KMT2C: variants seen among roughly 807,000 people sequenced by gnomAD.
The protein encoded by KMT2C is histone-lysine N-methyltransferase 2C.
Under a neutral mutation model 507.9 loss-of-function variants are expected in KMT2C, and 88 were observed. The ratio of observed to expected loss-of-function variants is 0.17; its 90% confidence interval spans 0.15 to 0.21. KMT2C has a LOEUF of 0.21. Ranked by LOEUF, KMT2C falls within the 10% of genes least tolerant of loss-of-function variation. The probability of loss-of-function intolerance (pLI) is 1.00; values close to 1 mark genes in which losing one functional copy is unlikely to be tolerated. For missense variants in KMT2C, 4,954 were observed against 5,957.8 expected, an observed-to-expected ratio of 0.83 and a Z score of 5.55; for synonymous variants, 2,049 against 2,080.8, an observed-to-expected ratio of 0.98 and a Z score of 0.42.
rs867450804 is a variant in KMT2C, at chr7:152,247,637, T to C, written c.2532+265A>G. ...AACTAAAAGAATTTTTAAAGTTCTT[T>C]CTATTAGAAACTATTATCAATAGGT... is the stretch of plus-strand genomic sequence containing the variant. On this transcript the variant is annotated intron_variant, in intron 14 of 58. Coordinates refer to ENST00000262189, the MANE Select transcript of KMT2C (RefSeq NM_170606.3). Among the ~76,000 whole-genome samples the C allele has an allele frequency of 6.6e-5, 10 of 152,424 alleles. No homozygotes were observed. In the South Asian group the frequency reaches 2.1e-3, roughly 32 times the overall value.
intron 6 of KMT2C, among the ~76,000 whole-genome samples, chr7:152,300,362 G>C (rs1479808029): frequency 6.6e-6 from 1 of 152,140 alleles, no homozygotes; most frequent in Admixed American, 6.5e-5. Context: ...GAAATAATGT[G>C]GCTTATCCTG....
At chr7:152,396,610 C>A (rs2097539570) in intron 1 of KMT2C, among the ~76,000 whole-genome samples, 1 of 152,080 alleles carries the variant, frequency 6.6e-6, no homozygotes, top group Admixed American at 6.5e-5. Flanking sequence ...TTTAGGGATA[C>A]CAAAAAGAAA....
intron 1 of KMT2C, among the ~76,000 whole-genome samples, chr7:152,399,422 A>G (rs928322292): frequency 3.3e-5 from 5 of 152,210 alleles, no homozygotes; most frequent in African/African-American, 4.8e-5. Flanking sequence ...GATCTCTTCT[A>G]AAGTAAAGAA....
Position 152,144,647 on chromosome 7 carries a change from C to T in KMT2C, c.14343+66G>A, listed in dbSNP as rs1336324840. 5 of 1,463,810 alleles carry T rather than the reference C, an allele frequency of 3.4e-6. No individual in the cohort carries two copies. The highest frequency in any genetic ancestry group is 4.7e-6 in the Non-Finnish European group (5 of 1,062,766). 90.7% of individuals were successfully genotyped at this position (1,463,810 alleles called of 1,614,324 possible). On this transcript the variant is annotated intron_variant, in intron 55 of 58. Transcript: ENST00000262189. The surrounding 1 kb of genome is among the most constrained non-coding windows in gnomAD (Gnocchi z 4.4). ...GAAATCATTTTCACATACTGGACAT[C>T]AATAGCTTCAGATTGCTAGACTCCA...
chr7:152,304,997 A>C (rs1376241157), intron 6 of KMT2C, among the ~76,000 whole-genome samples: 2 of 152,190 alleles, frequency 1.3e-5, no homozygotes, highest in Non-Finnish European at 1.5e-5. Context: ...CTATTTAGAG[A>C]TTAAGTATAT....
At position 152,138,758 on chromosome 7, in the gene KMT2C, C is replaced by G. The variant is rs2090174552; in HGVS notation, c.14643+38G>C. 7.8e-7 allele frequency: 1 copy of G among 1,274,602 alleles called. No individual in the cohort carries two copies. Among genetic ancestry groups the G allele is most frequent in the South Asian group, 1.4e-5 (1 of 73,814 alleles). The allele number at this position is 1,274,602 out of a possible 1,614,324, so 79.0% of individuals were successfully genotyped here. ...GAGGAGGGAACTATTCGCCCAGGATCTGAACAACATGGCAGATGCAATCTC... is the reference window on the plus strand; with the variant it reads ...GAGGAGGGAACTATTCGCCCAGGATGTGAACAACATGGCAGATGCAATCTC... On this transcript the variant is annotated intron_variant, in intron 58 of 58. Transcript: ENST00000262189. This position sits in a 1 kb window ranked among gnomAD's most constrained non-coding sequence, Gnocchi z 4.2.
intron 3 of KMT2C, among the ~76,000 whole-genome samples, chr7:152,315,868 G>GA (rs1375141834): frequency 6.6e-6 from 1 of 152,082 alleles, no homozygotes; most frequent in African/African-American, 2.4e-5. Context: ...AGCTGAGATT[G>GA]AACCACTGCA....
intron 1 of KMT2C, among the ~76,000 whole-genome samples, chr7:152,397,853 G>A (rs567033027): frequency 6.6e-6 from 1 of 152,064 alleles, no homozygotes; most frequent in African/African-American, 2.4e-5. Context: ...GTGAGTGTGA[G>A]GCCTCCCCAA....
chr7:152,363,030 T>C (rs977319592), intron 1 of KMT2C, among the ~76,000 whole-genome samples: 1 of 152,230 alleles, frequency 6.6e-6, no homozygotes. Context: ...CATGTGACTT[T>C]TCTGACTAAT....
intron 1 of KMT2C, among the ~76,000 whole-genome samples, chr7:152,376,473 T>C (rs2097329381): frequency 6.6e-6 from 1 of 152,188 alleles, no homozygotes; most frequent in Non-Finnish European, 1.5e-5. Context: ...TTGAATAAAA[T>C]TAAAAGCACT....
chr7:152,193,348 T>C (rs961311827), intron 31 of KMT2C, among the ~76,000 whole-genome samples: 2 of 152,012 alleles, frequency 1.3e-5, no homozygotes, highest in Non-Finnish European at 2.9e-5. Flanking sequence ...TGGTAGCTAG[T>C]TGTAAGTAGG....
In KMT2C at chr7:152,176,535, A is replaced by G. The variant is rs1178341007; in HGVS notation, c.8918T>C (p.Val2973Ala). Reference protein sequence around the residue: ...RVLDNAMNSNVTVVSRVNHVF... With the variant: ...RVLDNAMNSNATVVSRVNHVF... ...ATGGTTTACCCTAGAGACTACTGTC[A>G]CATTAGAATTCATGGCATTATCCAA... The change falls in exon 38 of 59, where the codon GTG becomes GCG. Residue 2973 changes from valine to alanine, a missense_variant. By Grantham distance (64) the Val-to-Ala change is moderately conservative. This residue lies in a region of KMT2C where 1,689 missense variants were observed against 1,654.3 expected (regional missense o/e 1.02). Coordinates refer to ENST00000262189, the MANE Select transcript of KMT2C (RefSeq NM_170606.3). 6.2e-7 allele frequency: 1 copy of G among 1,614,210 alleles called. No homozygotes were observed. Among genetic ancestry groups the G allele is most frequent in the Non-Finnish European group, 8.5e-7 (1 of 1,180,036 alleles).
intron 6 of KMT2C, among the ~76,000 whole-genome samples, chr7:152,278,141 G>A (rs1186046773): frequency 6.6e-6 from 1 of 151,894 alleles, no homozygotes; most frequent in Non-Finnish European, 1.5e-5. Flanking sequence ...CTGTCCTTGC[G>A]ATAACGAGTG....
chr7:152,312,037 A>G (rs2096676751), intron 4 of KMT2C, 91 bp from the exon 5 acceptor site: 4 of 973,292 alleles, frequency 4.1e-6, no homozygotes, highest in Non-Finnish European at 5.8e-6. Context: ...TGCCAAATCA[A>G]TTTTAATTTA....
At chr7:152,255,109 TTATATATATA>T (rs1207305132) in intron 9 of KMT2C, among the ~76,000 whole-genome samples, 4,093 of 78,346 alleles carry the variant, frequency 0.052, 235 homozygotes, top group South Asian at 0.13. Context: ...CAACTCTCAC[TTATATATATA>T]TATATATATA....
intron 2 of KMT2C, among the ~76,000 whole-genome samples, chr7:152,357,084 G>A (rs889315117): frequency 2.6e-5 from 4 of 151,474 alleles, no homozygotes; most frequent in South Asian, 2.1e-4. Flanking sequence ...GAGTTATCCA[G>A]GCATGGTGGC....
intron 23 of KMT2C, among the ~76,000 whole-genome samples, chr7:152,218,245 A>ACCTCTGCCTCCTGGGTTCAAGCAAT (rs1162345818): frequency 2.6e-5 from 4 of 152,014 alleles, no homozygotes; most frequent in African/African-American, 9.7e-5. Flanking sequence ...GCTCACTGCA[A>ACCTCTGCCTCCTGGGTTCAAGCAAT]CCTCTGCCTC....
chr7:152,408,817 A>G (rs1216480032), intron 1 of KMT2C, among the ~76,000 whole-genome samples: 3 of 144,478 alleles, frequency 2.1e-5, no homozygotes, highest in Non-Finnish European at 4.5e-5. Context: ...GTTTTGTTAA[A>G]AAAAAAAAAA....
At chr7:152,272,886 T>C (rs2096004378) in intron 7 of KMT2C, among the ~76,000 whole-genome samples, 2 of 152,070 alleles carry the variant, frequency 1.3e-5, no homozygotes, top group African/African-American at 4.8e-5. Flanking sequence ...TTTATTAACA[T>C]TGCTAAGGAA....
Sources: allele counts gnomAD v4.1 joint callset (sites outside exome capture counted in the v4.1 genomes callset), GRCh38; gene constraint gnomAD v4.1.1; regional missense constraint gnomAD v4.1.1; non-coding constraint Gnocchi (gnomAD v3.1); transcripts MANE v1.5; gene names NCBI Gene and HGNC (gene_info 2026-07-23, HGNC 2026-07-21).